UNC13C: variants seen among roughly 807,000 people sequenced by gnomAD.
UNC13C encodes unc-13 homolog C, also known as protein unc-13 homolog C.
In UNC13C, 174 loss-of-function variants were observed where a neutral mutation model predicts 245.4. The ratio of observed to expected loss-of-function variants is 0.71; its 90% CI spans 0.63 to 0.80. The LOEUF (loss-of-function observed/expected upper bound fraction) is 0.80. Ranked by LOEUF, UNC13C falls within the 30% of genes least tolerant of loss-of-function variation. UNC13C has a pLI of 0.00. For missense variants in UNC13C, 2,829 were observed against 2,602.9 expected (o/e 1.09, Z -1.89); for synonymous variants, 992 against 895.1 (o/e 1.11, Z -1.93).
the UNC13C span, among the ~76,000 whole-genome samples, chr15:53,971,872 A>G: frequency 6.6e-6 from 1 of 152,200 alleles, no homozygotes; most frequent in Non-Finnish European, 1.5e-5. Context: ...ACTGTCAAGT[A>G]CTTTAAATTT....
intron 10 of UNC13C, among the ~76,000 whole-genome samples, chr15:54,269,982 G>A (rs910577470): frequency 6.6e-6 from 1 of 152,104 alleles, no homozygotes; most frequent in African/African-American, 2.4e-5. Flanking sequence ...TTTAAGTGAA[G>A]CTACACTTGT....
rs78600078 is a variant in UNC13C, at chr15:54,212,534, C to A, written c.3072-22496C>A. Reference sequence around the variant, plus strand: ...TGGGAAGAATAAAAAAATATGTACACAATACCGTGCTCCTTGTGGGATCTG... The same window carrying A: ...TGGGAAGAATAAAAAAATATGTACAAAATACCGTGCTCCTTGTGGGATCTG... On this transcript the variant is annotated intron_variant, in intron 4 of 32. Coordinates refer to ENST00000260323, the MANE Select transcript of UNC13C (RefSeq NM_001080534.3). 6.0e-3 allele frequency among the ~76,000 whole-genome samples: 906 copies of A among 152,018 alleles called. 52 individuals carry two copies. The East Asian group carries it at 0.11, about 18-fold the overall frequency.
chr15:54,556,007 A>T (rs1042795490), intron 29 of UNC13C, among the ~76,000 whole-genome samples: 6 of 152,102 alleles, frequency 3.9e-5, no homozygotes, highest in African/African-American at 1.4e-4. Context: ...ATACCCAAAG[A>T]TGTCGTTTGT....
rs1015231425 is a variant in UNC13C, at chr15:54,546,951, A to T, written c.5820+106A>T. ...ACTAATTAAATCCCTTTGGGGAAAA[A>T]GTGTTTGGTATCCAGTTTCTTAACA... On this transcript the variant is annotated intron_variant, in intron 27 of 32. Coordinates refer to ENST00000260323, the MANE Select transcript of UNC13C (RefSeq NM_001080534.3). 1.5e-5 allele frequency: 15 copies of T among 1,033,362 alleles called. No homozygotes were observed. The East Asian group carries it at 4.4e-4, about 30-fold the overall frequency. The allele number at this position is 1,033,362 out of a possible 1,614,324, so 64.0% of individuals were successfully genotyped here.
At chr15:54,181,000 G>T in intron 4 of UNC13C, among the ~76,000 whole-genome samples, 1 of 151,574 alleles carries the variant, frequency 6.6e-6, no homozygotes, top group African/African-American at 2.4e-5. Context: ...AGTTTAATTG[G>T]GTCCTACTTG....
In UNC13C at chr15:54,392,948, C is replaced by A. The variant is rs908231329; in HGVS notation, c.4714-100C>A. Reference sequence around the variant, plus strand: ...GACTCCCATAATCTAAGTTTCATTTCCACAATCATTTTTCTTTGATCTTCT... The same window carrying A: ...GACTCCCATAATCTAAGTTTCATTTACACAATCATTTTTCTTTGATCTTCT... On this transcript the variant is annotated intron_variant, in intron 17 of 32. Coordinates refer to ENST00000260323, the MANE Select transcript of UNC13C (RefSeq NM_001080534.3). 6.9e-5 allele frequency: 93 copies of A among 1,339,320 alleles called. No individual in the cohort carries two copies. The South Asian group carries it at 1.2e-3, about 18-fold the overall frequency. The allele number at this position is 1,339,320 out of a possible 1,614,324, so 83.0% of individuals were successfully genotyped here.
intron 1 of UNC13C, among the ~76,000 whole-genome samples, chr15:54,006,835 TTTC>T (rs1334482670): frequency 6.6e-6 from 1 of 152,174 alleles, no homozygotes; most frequent in Non-Finnish European, 1.5e-5. Context: ...CTACTCTGGT[TTTC>T]TTCTTTGCTG....
At chr15:54,271,804 C>T (rs1015401383) in intron 10 of UNC13C, among the ~76,000 whole-genome samples, 2 of 152,170 alleles carry the variant, frequency 1.3e-5, no homozygotes, top group Non-Finnish European at 2.9e-5. Context: ...AATGTGTCCT[C>T]ATTTATAGTA....
At chr15:54,169,827 A>C (rs2033320841) in intron 4 of UNC13C, among the ~76,000 whole-genome samples, 1 of 152,084 alleles carries the variant, frequency 6.6e-6, no homozygotes, top group South Asian at 2.1e-4. Context: ...AGTTTATATT[A>C]GTTCCCCCAC....
intron 23 of UNC13C, among the ~76,000 whole-genome samples, chr15:54,511,322 A>G (rs1424989522): frequency 1.3e-5 from 2 of 152,176 alleles, no homozygotes; most frequent in Non-Finnish European, 2.9e-5. Context: ...GCCAGAAAAT[A>G]TATTTAAGTT....
At chr15:53,916,474 G>A in the UNC13C span, among the ~76,000 whole-genome samples, 8 of 152,184 alleles carry the variant, frequency 5.3e-5, no homozygotes, top group Non-Finnish European at 1.2e-4. Context: ...AGGGGAAGCA[G>A]CCCTGAGAAA....
chr15:54,134,072 GT>G (rs1359381806), intron 2 of UNC13C, among the ~76,000 whole-genome samples: 3 of 151,552 alleles, frequency 2.0e-5, no homozygotes, highest in Non-Finnish European at 4.4e-5. Context: ...GTGTGTGTGT[GT>G]GGTGAGGACA....
intron 18 of UNC13C, among the ~76,000 whole-genome samples, chr15:54,414,331 T>C (rs2040475287): frequency 6.6e-6 from 1 of 152,194 alleles, no homozygotes; most frequent in Non-Finnish European, 1.5e-5. Flanking sequence ...TCATCTGATC[T>C]ATCCTCAAAA....
chr15:54,146,563 G>C (rs2032268119), intron 4 of UNC13C, among the ~76,000 whole-genome samples: 1 of 152,196 alleles, frequency 6.6e-6, no homozygotes, highest in South Asian at 2.1e-4. Flanking sequence ...GTTCAGACAG[G>C]CTCTGGGGAA....
chr15:54,567,754 C>G, intron 29 of UNC13C, 46 bp from the exon 30 acceptor site: 1 of 1,505,424 alleles, frequency 6.6e-7, no homozygotes, highest in Non-Finnish European at 8.9e-7. Flanking sequence ...TTCTGTCTTC[C>G]AATACTTCTC....
At chr15:54,250,763 T>C (rs1489670501) in intron 8 of UNC13C, among the ~76,000 whole-genome samples, 3 of 133,390 alleles carry the variant, frequency 2.2e-5, no homozygotes, top group Admixed American at 7.5e-5. Context: ...TTTTTTTTTT[T>C]TTTTTTTTTT....
intron 4 of UNC13C, among the ~76,000 whole-genome samples, chr15:54,212,091 C>T (rs768315024): frequency 2.0e-5 from 3 of 152,076 alleles, no homozygotes; most frequent in Non-Finnish European, 4.4e-5. Context: ...CCAGCACTTG[C>T]TGACTGGTAC....
the UNC13C span, among the ~76,000 whole-genome samples, chr15:53,897,585 T>C: frequency 6.6e-6 from 1 of 152,208 alleles, no homozygotes; most frequent in Non-Finnish European, 1.5e-5. Context: ...TGGCTATACA[T>C]ACATTTAAAT....
chr15:53,981,283 T>C (rs2140946259), intron 1 of UNC13C, among the ~76,000 whole-genome samples: 1 of 152,312 alleles, frequency 6.6e-6, no homozygotes, highest in South Asian at 2.1e-4. Flanking sequence ...CATCCCATAG[T>C]CTTTACTACG....
Sources: allele counts gnomAD v4.1 joint callset (sites outside exome capture counted in the v4.1 genomes callset), GRCh38; gene constraint gnomAD v4.1.1; transcripts MANE v1.5; gene names NCBI Gene and HGNC (gene_info 2026-07-23, HGNC 2026-07-21).